TSPAN18: variants seen among roughly 807,000 people sequenced by gnomAD.
TSPAN18 encodes the protein tetraspanin-18.
A neutral mutation model predicts 27.3 loss-of-function variants in TSPAN18; 14 were observed. The observed-to-expected ratio is 0.51, with a 90% CI of 0.34 to 0.80. The LOEUF is 0.80. Ranked by LOEUF, TSPAN18 falls within the 30% of genes least tolerant of loss-of-function variation. TSPAN18 has a pLI of 0.01. For missense variants in TSPAN18, 268 were observed against 323.9 expected (o/e 0.83, Z 1.32); for synonymous variants, 143 against 136.5 (o/e 1.05, Z -0.33).
At chr11:44,826,842 G>A (rs191674779) in intron 2 of TSPAN18, among the ~76,000 whole-genome samples, 11 of 152,248 alleles carry the variant, frequency 7.2e-5, no homozygotes, top group African/African-American at 2.6e-4. Flanking sequence ...CCTGGGGTAG[G>A]GGCAGGATTT....
chr11:44,911,977 A>G (rs3937802), intron 5 of TSPAN18, among the ~76,000 whole-genome samples: 67,173 of 132,016 alleles, frequency 0.51, 16,408 homozygotes, highest in East Asian at 0.73. Flanking sequence ...CTTTCTGCCT[A>G]TCTCTGTGTA....
intron 4 of TSPAN18, 22 bp from the exon 5 acceptor site, chr11:44,909,683 A>T (rs1399308361): frequency 6.3e-7 from 1 of 1,596,052 alleles, no homozygotes; most frequent in Admixed American, 1.7e-5. Context: ...TCTCCTCCCA[A>T]CTCCTCCACT....
In TSPAN18 at chr11:44,764,770, T is replaced by C. The variant is rs189968578; in HGVS notation, c.-153+258T>C. The stretch of plus-strand genomic sequence containing the variant: ...TTGATGGATGGCAGGGAGTGAGCCC[T>C]TCAAGGAAGAGTAGAGCTCCTGGGG... On this transcript the variant is annotated intron_variant, in intron 2 of 9. Transcript: ENST00000520358. 2.1e-3 allele frequency among the ~76,000 whole-genome samples: 327 copies of C among 152,238 alleles called. 1 individual carries two copies. Among genetic ancestry groups the C allele is most frequent in the Non-Finnish European group, 3.7e-3 (253 of 68,010 alleles).
chr11:44,847,118 A>G (rs1857501870), intron 2 of TSPAN18, among the ~76,000 whole-genome samples: 1 of 152,206 alleles, frequency 6.6e-6, no homozygotes, highest in African/African-American at 2.4e-5. Flanking sequence ...CAGGAAATCC[A>G]GGAAGGCTTC....
At chr11:44,865,584 C>G (rs1469239625) in intron 3 of TSPAN18, among the ~76,000 whole-genome samples, 1 of 152,210 alleles carries the variant, frequency 6.6e-6, no homozygotes, top group Non-Finnish European at 1.5e-5. Flanking sequence ...AATTAAAAAG[C>G]AAATTCCTCT....
chr11:44,900,364 C>T (rs1859214716), intron 3 of TSPAN18, among the ~76,000 whole-genome samples: 1 of 152,154 alleles, frequency 6.6e-6, no homozygotes, highest in Non-Finnish European at 1.5e-5. Flanking sequence ...ATGAATGGGG[C>T]AAGGGAATTC....
At chr11:44,728,332 CAGAGAG>C (rs1165366083) in intron 1 of TSPAN18, among the ~76,000 whole-genome samples, 1 of 152,218 alleles carries the variant, frequency 6.6e-6, no homozygotes, top group Non-Finnish European at 1.5e-5. Flanking sequence ...CGAATTGGTG[CAGAGAG>C]AGTGGGTTGG....
intron 2 of TSPAN18, among the ~76,000 whole-genome samples, chr11:44,813,474 A>T (rs1856761506): frequency 6.6e-6 from 1 of 152,194 alleles, no homozygotes; most frequent in Non-Finnish European, 1.5e-5. Flanking sequence ...GGTGGTTATG[A>T]GCACAGTGTG....
intron 1 of TSPAN18, among the ~76,000 whole-genome samples, chr11:44,749,368 T>C (rs1174066873): frequency 3.3e-5 from 5 of 152,172 alleles, no homozygotes; most frequent in Non-Finnish European, 7.3e-5. Flanking sequence ...GTCAGCTCTT[T>C]TTGTGGTTTT....
chr11:44,830,197 A>T (rs545958102), intron 2 of TSPAN18, among the ~76,000 whole-genome samples: 1 of 152,216 alleles, frequency 6.6e-6, no homozygotes, highest in African/African-American at 2.4e-5. Context: ...AGCCCTCTCC[A>T]CCTGGCTGGC....
intron 2 of TSPAN18, among the ~76,000 whole-genome samples, chr11:44,767,413 T>C (rs1855592522): frequency 6.6e-6 from 1 of 152,222 alleles, no homozygotes; most frequent in African/African-American, 2.4e-5. Flanking sequence ...AGGACAGTGT[T>C]TGTGGGAGCT....
chr11:44,821,092 C>T (rs947664932), intron 2 of TSPAN18, among the ~76,000 whole-genome samples: 1 of 152,240 alleles, frequency 6.6e-6, no homozygotes, highest in Admixed American at 6.5e-5. Context: ...GAGAGGCACT[C>T]AATAAAATGT....
chr11:44,751,319 T>A (rs1226867943), intron 1 of TSPAN18, among the ~76,000 whole-genome samples: 1 of 152,162 alleles, frequency 6.6e-6, no homozygotes, highest in African/African-American at 2.4e-5. Context: ...CATTTCTTCC[T>A]TTTCTACTTG....
chr11:44,924,457 G>T (rs1024310102), intron 8 of TSPAN18, among the ~76,000 whole-genome samples: 2 of 152,146 alleles, frequency 1.3e-5, no homozygotes, highest in Admixed American at 6.5e-5. Flanking sequence ...AGGCCCTAAG[G>T]ACCATTGCCA....
At chr11:44,851,075 C>A (rs1857588821) in intron 2 of TSPAN18, among the ~76,000 whole-genome samples, 1 of 152,218 alleles carries the variant, frequency 6.6e-6, no homozygotes, top group South Asian at 2.1e-4. Flanking sequence ...GCGTTATTAA[C>A]CTGTTGACCT....
At chr11:44,869,018 T>A (rs1380534402) in intron 3 of TSPAN18, among the ~76,000 whole-genome samples, 1 of 152,264 alleles carries the variant, frequency 6.6e-6, no homozygotes. Context: ...GAGCTGTGGT[T>A]CTGGCTGAGG....
intron 3 of TSPAN18, among the ~76,000 whole-genome samples, chr11:44,873,056 C>A (rs1319829642): frequency 6.6e-6 from 1 of 152,182 alleles, no homozygotes; most frequent in Non-Finnish European, 1.5e-5. Context: ...AATGTTTCAG[C>A]TGAAGTCAGG....
rs1010751727 is a variant in TSPAN18, at chr11:44,767,115, T to C, written c.-153+2603T>C. On this transcript the variant is annotated intron_variant, in intron 2 of 9. Transcript: ENST00000520358. Reference sequence around the variant, plus strand: ...GTTACCCTGGAGACACATAACTCCTTCTGTGTGAGGTCTAAAAAAGGGCTG... The same window carrying C: ...GTTACCCTGGAGACACATAACTCCTCCTGTGTGAGGTCTAAAAAAGGGCTG... Among the ~76,000 whole-genome samples the C allele has an allele frequency of 3.3e-5, 5 of 152,274 alleles. No homozygotes were observed. In the East Asian group the frequency reaches 9.6e-4, roughly 29 times the overall value.
chr11:44,873,480 C>T (rs546440294), intron 3 of TSPAN18, among the ~76,000 whole-genome samples: 2 of 152,326 alleles, frequency 1.3e-5, no homozygotes, highest in African/African-American at 4.8e-5. Context: ...GCAGAAAGAA[C>T]AATATGCAAA....
Sources: gnomAD v4.1 joint callset for allele counts (sites outside exome capture counted in the v4.1 genomes callset) on GRCh38, gnomAD v4.1.1 for gene constraint, MANE v1.5 for transcripts, NCBI Gene and HGNC (gene_info 2026-07-23, HGNC 2026-07-21) for gene names.